CHN2: variants seen among roughly 807,000 people sequenced by gnomAD.
The protein encoded by CHN2 is chimerin 2.
In CHN2, 35 loss-of-function variants were observed where a neutral mutation model predicts 56.3. The ratio of observed to expected loss-of-function variants is 0.62; its 90% confidence interval spans 0.47 to 0.82. CHN2 has a LOEUF of 0.82. CHN2 is among the 40% of genes least tolerant of loss of function. The pLI is 0.00. For missense variants in CHN2, 491 were observed against 580.5 expected (o/e 0.85, Z 1.58); for synonymous variants, 210 against 212.8 (o/e 0.99, Z 0.12).
chr7:29,158,759 G>T (rs1197363615), intron 2 of CHN2, among the ~76,000 whole-genome samples: 2 of 152,182 alleles, frequency 1.3e-5, no homozygotes. Flanking sequence ...GTAATCAAAT[G>T]TGAAAGAGAT....
At chr7:29,499,541 C>G (rs1437587779) in intron 8 of CHN2, among the ~76,000 whole-genome samples, 2 of 152,166 alleles carry the variant, frequency 1.3e-5, no homozygotes, top group Non-Finnish European at 2.9e-5. Flanking sequence ...ACCCGAAAAC[C>G]TACTTGTGGA....
intron 3 of CHN2, among the ~76,000 whole-genome samples, chr7:29,374,968 A>G (rs1333368806): frequency 1.4e-5 from 2 of 146,618 alleles, no homozygotes; most frequent in Admixed American, 6.8e-5. Flanking sequence ...GCTCACCGCA[A>G]CCTCCGCCTC....
intron 1 of CHN2, among the ~76,000 whole-genome samples, chr7:29,264,669 C>CA (rs1789967136): frequency 6.6e-6 from 1 of 152,104 alleles, no homozygotes; most frequent in African/African-American, 2.4e-5. Flanking sequence ...GGGACACAAA[C>CA]ACTGCGGAAG....
intron 1 of CHN2, among the ~76,000 whole-genome samples, chr7:29,345,095 A>G (rs2128917150): frequency 6.6e-6 from 1 of 152,304 alleles, no homozygotes; most frequent in East Asian, 1.9e-4. Context: ...TCCCCTCTCC[A>G]GGCCACATGC....
At chr7:29,394,624 G>A (rs925906665) in intron 4 of CHN2, among the ~76,000 whole-genome samples, 18 of 152,366 alleles carry the variant, frequency 1.2e-4, no homozygotes, top group African/African-American at 4.1e-4. Flanking sequence ...CCTCTGGAAT[G>A]CCTGCCTGGG....
At chr7:29,387,262 A>C (rs767433908) in intron 3 of CHN2, among the ~76,000 whole-genome samples, 3 of 152,202 alleles carry the variant, frequency 2.0e-5, no homozygotes, top group Non-Finnish European at 4.4e-5. Flanking sequence ...CAGCCTTATT[A>C]AAATAGCTCA....
intron 1 of CHN2, chr7:29,213,309 A>C (rs1054090240): frequency 2.7e-6 from 2 of 739,684 alleles, no homozygotes; most frequent in African/African-American, 3.4e-5. Flanking sequence ...TTTTTCTTGT[A>C]TGGAAACCAT....
At chr7:29,341,587 A>G (rs1485033172) in intron 1 of CHN2, among the ~76,000 whole-genome samples, 1 of 149,518 alleles carries the variant, frequency 6.7e-6, no homozygotes, top group Non-Finnish European at 1.5e-5. Context: ...GGACAGAAAG[A>G]GGGAGGGAGG....
chr7:29,387,679 A>G (rs1801024961), intron 3 of CHN2, among the ~76,000 whole-genome samples: 2 of 152,178 alleles, frequency 1.3e-5, no homozygotes, highest in African/African-American at 4.8e-5. Flanking sequence ...CTTCTCTCAT[A>G]TCTGTGTTCT....
At chr7:29,459,504 C>T (rs1408999024) in intron 6 of CHN2, among the ~76,000 whole-genome samples, 3 of 152,144 alleles carry the variant, frequency 2.0e-5, no homozygotes, top group African/African-American at 7.2e-5. Context: ...TGAGATAAAA[C>T]CTCCGTGGGT....
At chr7:29,421,174 C>T (rs1804307725) in intron 6 of CHN2, among the ~76,000 whole-genome samples, 1 of 152,192 alleles carries the variant, frequency 6.6e-6, no homozygotes, top group Non-Finnish European at 1.5e-5. Context: ...CTTTCTTGTA[C>T]TTTCAATGAA....
intron 1 of CHN2, among the ~76,000 whole-genome samples, chr7:29,233,552 T>G (rs928349242): frequency 1.3e-4 from 20 of 152,188 alleles, no homozygotes; most frequent in Non-Finnish European, 2.8e-4. Flanking sequence ...GGCTTAAGGT[T>G]TCTCTCAGCT....
At chr7:29,380,490 T>C (rs1800414964) in intron 3 of CHN2, among the ~76,000 whole-genome samples, 1 of 152,222 alleles carries the variant, frequency 6.6e-6, no homozygotes, top group Non-Finnish European at 1.5e-5. Flanking sequence ...TCTGTTCTCC[T>C]TTCTTTTTCT....
chr7:29,408,884 T>C (rs562063859), intron 6 of CHN2, among the ~76,000 whole-genome samples: 1 of 152,248 alleles, frequency 6.6e-6, no homozygotes, highest in South Asian at 2.1e-4. Context: ...ATCCAAAATC[T>C]CTCTAGGAAA....
chr7:29,372,268 GC>G (rs1395429635), intron 3 of CHN2, among the ~76,000 whole-genome samples: 3 of 151,742 alleles, frequency 2.0e-5, no homozygotes, highest in African/African-American at 7.3e-5. Flanking sequence ...CTTTGCACTT[GC>G]CCTTTGCCTG....
At chr7:29,199,291 C>A (rs758934569) in intron 1 of CHN2, among the ~76,000 whole-genome samples, 1 of 152,208 alleles carries the variant, frequency 6.6e-6, no homozygotes, top group African/African-American at 2.4e-5. Context: ...GTATGTCTAA[C>A]TAGAAATTCT....
intron 6 of CHN2, among the ~76,000 whole-genome samples, chr7:29,411,559 C>T (rs895028414): frequency 8.5e-5 from 13 of 152,132 alleles, no homozygotes; most frequent in Admixed American, 3.3e-4. Flanking sequence ...CGAAGGACCC[C>T]GTGTCCCTGG....
intron 2 of CHN2, among the ~76,000 whole-genome samples, chr7:29,172,085 G>A (rs760179781): frequency 2.0e-5 from 3 of 152,192 alleles, no homozygotes; most frequent in Non-Finnish European, 4.4e-5. Flanking sequence ...AGGGTCAGCA[G>A]TATCACGTTT....
intron 2 of CHN2, among the ~76,000 whole-genome samples, chr7:29,167,640 A>C (rs1466537758): frequency 1.3e-5 from 2 of 152,118 alleles, no homozygotes; most frequent in Non-Finnish European, 2.9e-5. Context: ...AAAGTGTGTA[A>C]GTGTTTTTAT....
Sources: gnomAD v4.1 joint callset for allele counts (sites outside exome capture counted in the v4.1 genomes callset) on GRCh38, gnomAD v4.1.1 for gene constraint, MANE v1.5 for transcripts, NCBI Gene and HGNC (gene_info 2026-07-23, HGNC 2026-07-21) for gene names.